MYO1E: variants seen among roughly 807,000 people sequenced by gnomAD.
MYO1E encodes the protein myosin IE.
MYO1E carries 68 observed loss-of-function variants against 151.1 expected under a neutral mutation model. The observed-to-expected ratio is 0.45, with a 90% confidence interval of 0.37 to 0.55. The LOEUF (loss-of-function observed/expected upper bound fraction) is 0.55. Ranked by LOEUF, MYO1E falls within the 20% of genes least tolerant of loss-of-function variation. The pLI, the probability that MYO1E is intolerant of heterozygous loss-of-function variation, is 0.00. For synonymous variants in MYO1E, 601 were observed against 501.7 expected, an observed-to-expected ratio of 1.20 and a Z score of -2.64; for missense variants, 1,363 against 1,389.3, an observed-to-expected ratio of 0.98 and a Z score of 0.30.
Position 59,372,508 on chromosome 15 carries a change from C to A in MYO1E, c.-8G>T, listed in dbSNP as rs1264890214. The A allele has an allele frequency of 7.2e-6, 11 of 1,536,666 alleles. No individual in the cohort carries two copies. The highest frequency in any genetic ancestry group is 1.4e-5 in the African/African-American group (1 of 72,752). The stretch of plus-strand genomic sequence containing the variant: ...GCGCGGCCAACTCACCATGGTGACT[C>A]GCGCCGCGGTCGCGTCTTCGCCGGG... On this transcript the variant is annotated 5_prime_UTR_variant, in exon 1 of 28. Transcript: ENST00000288235.
intron 18 of MYO1E, among the ~76,000 whole-genome samples, chr15:59,186,417 C>T (rs115770559): frequency 6.8e-6 from 1 of 146,408 alleles, no homozygotes. Context: ...AAAAAAAAAA[C>T]ATTATATCCA....
chr15:59,238,722 C>G (rs567553134), intron 4 of MYO1E, among the ~76,000 whole-genome samples: 2 of 152,052 alleles, frequency 1.3e-5, no homozygotes, highest in African/African-American at 4.8e-5. Context: ...CAGGTGTGCA[C>G]CACCATGCCT....
intron 1 of MYO1E, among the ~76,000 whole-genome samples, chr15:59,333,095 T>C (rs979806415): frequency 4.6e-5 from 7 of 152,212 alleles, no homozygotes; most frequent in African/African-American, 1.4e-4. Flanking sequence ...TAGCTGACAG[T>C]TGCTTAGTAA....
chr15:59,313,386 T>C (rs1481852089), intron 1 of MYO1E, among the ~76,000 whole-genome samples: 1 of 152,222 alleles, frequency 6.6e-6, no homozygotes, highest in Non-Finnish European at 1.5e-5. Flanking sequence ...AACACAGGTC[T>C]GATGTCATGG....
At chr15:59,278,386 T>A (rs1209343888) in intron 1 of MYO1E, among the ~76,000 whole-genome samples, 1 of 152,198 alleles carries the variant, frequency 6.6e-6, no homozygotes, top group African/African-American at 2.4e-5. Context: ...TTTTTCTGTC[T>A]CCGTGAGTAA....
At chr15:59,317,186 G>C (rs1310968637) in intron 1 of MYO1E, among the ~76,000 whole-genome samples, 2 of 152,172 alleles carry the variant, frequency 1.3e-5, no homozygotes, top group African/African-American at 4.8e-5. Context: ...GCTATAAGTT[G>C]GCAGATAGAG....
intron 1 of MYO1E, among the ~76,000 whole-genome samples, chr15:59,314,441 G>A (rs1251755983): frequency 1.3e-5 from 2 of 152,166 alleles, no homozygotes; most frequent in African/African-American, 4.8e-5. Context: ...TGAGTTGCCT[G>A]CCCTGATTCC....
intron 26 of MYO1E, among the ~76,000 whole-genome samples, chr15:59,143,127 C>T (rs1425987943): frequency 1.3e-5 from 2 of 152,176 alleles, no homozygotes; most frequent in African/African-American, 4.8e-5. Flanking sequence ...TAAGTGACTC[C>T]TGGCCAAAGT....
intron 9 of MYO1E, among the ~76,000 whole-genome samples, chr15:59,221,034 T>TA (rs1484191634): frequency 1.4e-5 from 2 of 145,742 alleles, no homozygotes; most frequent in African/African-American, 5.0e-5. Context: ...TTTATATATA[T>TA]ATTATATATA....
chr15:59,217,609 T>C (rs971755273), intron 10 of MYO1E, among the ~76,000 whole-genome samples: 28 of 135,564 alleles, frequency 2.1e-4, no homozygotes, highest in African/African-American at 6.7e-4. Flanking sequence ...CACTGCAGCC[T>C]TGACCTCCCA....
rs2079385989 is a variant in MYO1E, at chr15:59,138,300, TGGGCTTGGGCTG to T, written c.3136_3147del (p.Gln1046_Pro1049del). The T allele has an allele frequency of 1.9e-6, 3 of 1,614,194 alleles. No individual in the cohort carries two copies. The highest frequency in any genetic ancestry group is 1.7e-6 in the Non-Finnish European group (2 of 1,180,028). ...GCCTTGCACTGTGGCACCTGAGGCT[TGGGCTTGGGCTG>T]GGGCTTGGGTCTGCCCCCTGCTGGG... On this transcript the variant is annotated inframe_deletion, in exon 27 of 28. Transcript: ENST00000288235.
intron 1 of MYO1E, among the ~76,000 whole-genome samples, chr15:59,362,257 A>T (rs953621285): frequency 1.3e-5 from 2 of 152,220 alleles, no homozygotes; most frequent in African/African-American, 4.8e-5. Context: ...ATGGTTTCAG[A>T]TATGCGTCTT....
At chr15:59,333,517 T>C (rs755048215) in intron 1 of MYO1E, among the ~76,000 whole-genome samples, 1 of 152,196 alleles carries the variant, frequency 6.6e-6, no homozygotes, top group Non-Finnish European at 1.5e-5. Context: ...TGCTAGGCTA[T>C]AGGTGAGAGC....
chr15:59,296,959 C>A (rs2080452752), intron 1 of MYO1E, among the ~76,000 whole-genome samples: 1 of 136,388 alleles, frequency 7.3e-6, no homozygotes, highest in Non-Finnish European at 1.6e-5. Flanking sequence ...TCTGCCTCAG[C>A]CTCCCGAGTA....
intron 4 of MYO1E, among the ~76,000 whole-genome samples, chr15:59,239,293 G>C (rs2080086120): frequency 6.6e-6 from 1 of 150,446 alleles, no homozygotes; most frequent in South Asian, 2.1e-4. Context: ...AAAAGGGAGG[G>C]ATCACACCTC....
rs760403992 is a variant in MYO1E, at chr15:59,151,043, ACACACACG to A, written c.3080+2539_3080+2546del. On this transcript the variant is annotated intron_variant, in intron 26 of 27. Transcript: ENST00000288235. The stretch of plus-strand genomic sequence containing the variant: ...CACACACACACACACACACACACAC[ACACACACG>A]CGCGCGCGCGCACGTGCACTTAGAG... Among the ~76,000 whole-genome samples the A allele has an allele frequency of 1.2e-4, 11 of 88,030 alleles. 1 individual carries two copies. The highest frequency in any genetic ancestry group is 5.7e-4 in the South Asian group (2 of 3,520). 57.8% of individuals were successfully genotyped at this position (88,030 alleles called of 152,430 possible).
chr15:59,158,263 G>C, intron 25 of MYO1E, 24 bp downstream of exon 25: 1 of 1,521,828 alleles, frequency 6.6e-7, no homozygotes, highest in South Asian at 1.2e-5. Flanking sequence ...AGTGGTCCCA[G>C]ACTACGGTAC....
At chr15:59,183,071 T>A (rs1967063) in intron 18 of MYO1E, among the ~76,000 whole-genome samples, 1 of 152,128 alleles carries the variant, frequency 6.6e-6, no homozygotes, top group Admixed American at 6.5e-5. Flanking sequence ...CTCGCTGGCC[T>A]GCTGCTCACC....
At chr15:59,209,842 T>C (rs2079867644) in intron 13 of MYO1E, among the ~76,000 whole-genome samples, 5 of 120,208 alleles carry the variant, frequency 4.2e-5, no homozygotes, top group Admixed American at 1.7e-4. Flanking sequence ...TTTTTTTTTT[T>C]TTTTTGAGAC....
Sources: gnomAD v4.1 joint callset for allele counts (sites outside exome capture counted in the v4.1 genomes callset) on GRCh38, gnomAD v4.1.1 for gene constraint, MANE v1.5 for transcripts, NCBI Gene and HGNC (gene_info 2026-07-23, HGNC 2026-07-21) for gene names.